Variants in KLHL14 observed in about 807,000 individuals in gnomAD.
KLHL14 encodes kelch-like protein 14.
KLHL14 carries 22 observed loss-of-function variants against 64.3 expected under a neutral mutation model. The observed-to-expected ratio is 0.34, with a 90% CI of 0.24 to 0.49. KLHL14 has a LOEUF of 0.49. Among genes scored for constraint, KLHL14 ranks in the 20% least tolerant of loss-of-function variants. The probability of loss-of-function intolerance (pLI) is 0.99; values close to 1 mark genes in which losing one functional copy is unlikely to be tolerated. For synonymous variants in KLHL14, 322 were observed against 333.4 expected (o/e 0.97, Z 0.37); for missense variants, 661 against 789.0 (o/e 0.84, Z 1.94).
chr18:32,771,422 C>G (rs1413328944), intron 1 of KLHL14, among the ~76,000 whole-genome samples: 1 of 152,184 alleles, frequency 6.6e-6, no homozygotes, highest in East Asian at 1.9e-4. Flanking sequence ...TTCCCCGCTT[C>G]GCAAACTGTT....
intron 2 of KLHL14, among the ~76,000 whole-genome samples, chr18:32,761,685 A>G (rs571193229): frequency 4.9e-4 from 75 of 152,144 alleles, no homozygotes; most frequent in African/African-American, 1.7e-3. Flanking sequence ...TTGTGTTACT[A>G]TTTACTCTTT....
At chr18:32,696,767 A>G (rs1214174397) in intron 3 of KLHL14, among the ~76,000 whole-genome samples, 1 of 152,120 alleles carries the variant, frequency 6.6e-6, no homozygotes. Flanking sequence ...TTTTGTTTTT[A>G]TTATCTTTTA....
chr18:32,714,732 C>T (rs370669923), intron 3 of KLHL14, among the ~76,000 whole-genome samples: 2 of 152,076 alleles, frequency 1.3e-5, no homozygotes, highest in East Asian at 1.9e-4. Flanking sequence ...TTGAACTGAG[C>T]CACTAGATGG....
intron 4 of KLHL14, among the ~76,000 whole-genome samples, chr18:32,692,133 T>C (rs2049910560): frequency 6.6e-6 from 1 of 152,322 alleles, no homozygotes; most frequent in African/African-American, 2.4e-5. Flanking sequence ...AGTTAATAAT[T>C]ATATCTGAGT....
At chr18:32,712,199 G>C (rs556890997) in intron 3 of KLHL14, among the ~76,000 whole-genome samples, 1 of 152,024 alleles carries the variant, frequency 6.6e-6, no homozygotes, top group Non-Finnish European at 1.5e-5. Context: ...TTACTATCTT[G>C]CCCTTACAGA....
At chr18:32,701,878 G>C (rs2049967828) in intron 3 of KLHL14, among the ~76,000 whole-genome samples, 1 of 152,128 alleles carries the variant, frequency 6.6e-6, no homozygotes, top group Non-Finnish European at 1.5e-5. Context: ...TTATCTGTAG[G>C]GTTGATTCTT....
Position 32,683,312 on chromosome 18 carries a change from A to C in KLHL14, c.1239-2713T>G, listed in dbSNP as rs1274772143. The stretch of plus-strand genomic sequence containing the variant: ...GATTTCACTTCCTGATGACAAGTGC[A>C]TTTTTAGGTAGAAATTCCAATAGTA... On this transcript the variant is annotated intron_variant, in intron 5 of 8. Coordinates refer to ENST00000359358, the MANE Select transcript of KLHL14 (RefSeq NM_020805.3). The surrounding 1 kb of genome is among the most constrained non-coding windows in gnomAD (Gnocchi z 4.2). 1.3e-5 allele frequency among the ~76,000 whole-genome samples: 2 copies of C among 152,290 alleles called. No homozygotes were observed. Among genetic ancestry groups the C allele is most frequent in the East Asian group, 3.9e-4 (2 of 5,184 alleles).
chr18:32,772,579 A>G (rs1456210367), intron 1 of KLHL14, 88 bp downstream of exon 1: 1 of 140,890 alleles, frequency 7.1e-6, no homozygotes, highest in Non-Finnish European at 1.5e-5. Context: ...AACCCCTCTG[A>G]AAGACTCCCT....
chr18:32,691,217 C>A (rs1357863269), intron 4 of KLHL14, among the ~76,000 whole-genome samples: 2 of 152,162 alleles, frequency 1.3e-5, no homozygotes, highest in African/African-American at 4.8e-5. Context: ...CTGCCTCCTC[C>A]TGGCAATGGG....
intron 5 of KLHL14, among the ~76,000 whole-genome samples, chr18:32,685,945 T>G (rs916828232): frequency 1.3e-5 from 2 of 152,068 alleles, no homozygotes; most frequent in Non-Finnish European, 2.9e-5. Flanking sequence ...AAGAGAGATA[T>G]TCAGGTGAGA....
At chr18:32,756,817 C>G (rs2050284497) in intron 2 of KLHL14, among the ~76,000 whole-genome samples, 1 of 152,140 alleles carries the variant, frequency 6.6e-6, no homozygotes, top group African/African-American at 2.4e-5. Context: ...AATTAGATAC[C>G]TTCTCTACAT....
In KLHL14 at chr18:32,715,265, A is replaced by G. The variant is rs535157395; in HGVS notation, c.1070-19713T>C. Among the ~76,000 whole-genome samples, 7 of 152,322 alleles carry G rather than the reference A, an allele frequency of 4.6e-5. No individual in the cohort carries two copies. The South Asian group carries it at 6.2e-4, about 14-fold the overall frequency. ...TTTAGTCTATAAGCAACTTTGATCC[A>G]TGTTTCAATATAAACTTACATTTCT... On this transcript the variant is annotated intron_variant, in intron 3 of 8. Transcript: ENST00000359358.
intron 3 of KLHL14, among the ~76,000 whole-genome samples, chr18:32,707,538 G>T (rs1205788079): frequency 6.6e-6 from 1 of 152,192 alleles, no homozygotes; most frequent in Non-Finnish European, 1.5e-5. Context: ...TAAATTGTTG[G>T]TATAAACAAT....
At chr18:32,698,324 C>G (rs1353820730) in intron 3 of KLHL14, among the ~76,000 whole-genome samples, 1 of 152,174 alleles carries the variant, frequency 6.6e-6, no homozygotes, top group African/African-American at 2.4e-5. Context: ...GGTTCACATA[C>G]AGCCCAGTGT....
Position 32,695,555 on chromosome 18 carries a change from G to T in KLHL14, c.1070-3C>A. 2 of 1,543,676 alleles carry T rather than the reference G, an allele frequency of 1.3e-6. No homozygotes were observed. Among genetic ancestry groups the T allele is most frequent in the Non-Finnish European group, 1.8e-6 (2 of 1,132,322 alleles). On this transcript the variant is annotated splice_polypyrimidine_tract_variant and splice_region_variant and intron_variant, in intron 3 of 8. Transcript: ENST00000359358. Reference sequence around the variant, plus strand: ...GTGGGCACTGTTGTATGGCATAACTGAAATTAAGAAAAAAAAAAAAGACAT... The same window carrying T: ...GTGGGCACTGTTGTATGGCATAACTTAAATTAAGAAAAAAAAAAAAGACAT...
intron 3 of KLHL14, among the ~76,000 whole-genome samples, chr18:32,726,999 T>C (rs1266243701): frequency 6.6e-6 from 1 of 152,216 alleles, no homozygotes; most frequent in Non-Finnish European, 1.5e-5. Context: ...GCAAGCTGGT[T>C]GGGGTGCAGC....
At chr18:32,679,125 C>A (rs1312068932) in intron 7 of KLHL14, among the ~76,000 whole-genome samples, 1 of 151,230 alleles carries the variant, frequency 6.6e-6, no homozygotes, top group African/African-American at 2.4e-5. Context: ...TTAAGCTGAG[C>A]AGCAGACATG....
Position 32,680,657 on chromosome 18 carries a change from G to A in KLHL14, c.1239-58C>T, listed in dbSNP as rs940568052. The A allele has an allele frequency of 2.2e-4, 327 of 1,499,898 alleles. No homozygotes were observed. The highest frequency in any genetic ancestry group is 2.7e-4 in the Non-Finnish European group (295 of 1,111,238). 92.9% of individuals were successfully genotyped at this position (1,499,898 alleles called of 1,614,324 possible). ...GAGGAGCTGTGAAATGTTACCTTTC[G>A]AAATAAGATAAGCACCACACAGCTA... On this transcript the variant is annotated intron_variant, in intron 5 of 8. Coordinates refer to ENST00000359358, the MANE Select transcript of KLHL14 (RefSeq NM_020805.3). This position sits in a 1 kb window ranked among gnomAD's most constrained non-coding sequence, Gnocchi z 4.8.
chr18:32,732,462 A>T (rs1444098687), intron 3 of KLHL14, among the ~76,000 whole-genome samples: 1 of 152,220 alleles, frequency 6.6e-6, no homozygotes. Flanking sequence ...TATTTTGATT[A>T]TCCACCTTCT....
Sources: allele counts gnomAD v4.1 joint callset (sites outside exome capture counted in the v4.1 genomes callset), GRCh38; gene constraint gnomAD v4.1.1; non-coding constraint Gnocchi (gnomAD v3.1); transcripts MANE v1.5; gene names NCBI Gene and HGNC (gene_info 2026-07-23, HGNC 2026-07-21).